DNER: variants seen among roughly 807,000 people sequenced by gnomAD.
DNER encodes delta/notch like EGF repeat containing, also known as delta and Notch-like epidermal growth factor-related receptor.
A neutral mutation model predicts 78.2 loss-of-function variants in DNER; 33 were observed. The observed-to-expected ratio is 0.42, with a 90% CI of 0.32 to 0.56. The LOEUF is 0.56. Among genes scored for constraint, DNER ranks in the 20% least tolerant of loss-of-function variants. DNER has a pLI of 0.11. For missense variants in DNER, 918 were observed against 975.3 expected, an observed-to-expected ratio of 0.94 and a Z score of 0.78; for synonymous variants, 417 against 384.8, an observed-to-expected ratio of 1.08 and a Z score of -0.98.
chr2:229,457,054 T>A (rs1694590956), intron 7 of DNER, among the ~76,000 whole-genome samples: 1 of 152,090 alleles, frequency 6.6e-6, no homozygotes, highest in Non-Finnish European at 1.5e-5. Context: ...CAAACAGAAT[T>A]CTAGTTTCAG....
rs368833985 is a variant in DNER, at chr2:229,358,702, T to A, written c.2103-51A>T. 1.0e-4 allele frequency: 154 copies of A among 1,472,522 alleles called. No individual in the cohort carries two copies. The African/African-American group carries it at 2.1e-3, about 20-fold the overall frequency. 91.2% of individuals were successfully genotyped at this position (1,472,522 alleles called of 1,614,324 possible). A position where few individuals can be genotyped will look rare whatever the true frequency, so the allele number is the denominator to read the frequency against. The stretch of plus-strand genomic sequence containing the variant: ...GTTAGATAAATACTAGATCTCAAGT[T>A]TAATTAAAGCAAGTGATGAGAATAA... On this transcript the variant is annotated intron_variant, in intron 12 of 12. Coordinates refer to ENST00000341772, the MANE Select transcript of DNER (RefSeq NM_139072.4).
intron 8 of DNER, among the ~76,000 whole-genome samples, chr2:229,439,982 A>G (rs886737280): frequency 6.6e-6 from 1 of 152,204 alleles, no homozygotes; most frequent in Admixed American, 6.5e-5. Context: ...ATTTTGAGGG[A>G]AAGTCAGGGA....
At chr2:229,589,742 A>G (rs1195206145) in intron 2 of DNER, among the ~76,000 whole-genome samples, 1 of 152,210 alleles carries the variant, frequency 6.6e-6, no homozygotes, top group African/African-American at 2.4e-5. Context: ...CTTGAATCAA[A>G]TCTAGTTCAC....
chr2:229,682,062 G>A (rs1048182762), intron 1 of DNER, among the ~76,000 whole-genome samples: 2 of 152,116 alleles, frequency 1.3e-5, no homozygotes, highest in African/African-American at 2.4e-5. Flanking sequence ...AGGGCATATG[G>A]GGAGATGGCA....
At chr2:229,544,171 C>T (rs967245311) in intron 5 of DNER, among the ~76,000 whole-genome samples, 2 of 152,188 alleles carry the variant, frequency 1.3e-5, no homozygotes, top group Admixed American at 1.3e-4. Flanking sequence ...ACTGAGTGTC[C>T]TTCACATTTT....
At chr2:229,677,742 T>A (rs570968174) in intron 1 of DNER, among the ~76,000 whole-genome samples, 1 of 152,194 alleles carries the variant, frequency 6.6e-6, no homozygotes, top group South Asian at 2.1e-4. Context: ...AAAATTTACT[T>A]TTTAGGGTTT....
At position 229,477,152 on chromosome 2, in the gene DNER, G is replaced by C; in HGVS notation, c.1249C>G (p.Gln417Glu). The stretch of plus-strand genomic sequence containing the variant: ...AAATACTAATTACCTTCTGGACACT[G>C]GCAGGTGAATCCACTGAGACTGGAA... Reference protein sequence around the residue: ...CISSLSGFTCQCPEGYFGSAC... With the variant: ...CISSLSGFTCECPEGYFGSAC... Residue 417 changes from glutamine (Q) to glutamate (E), a missense_variant, in exon 7 of 13, where the codon CAG becomes GAG. By Grantham distance (29) the Gln-to-Glu change is conservative (BLOSUM62 2). Transcript: ENST00000341772. The C allele has an allele frequency of 6.2e-7, 1 of 1,613,430 alleles. No homozygotes were observed. The highest frequency in any genetic ancestry group is 1.1e-5 in the South Asian group (1 of 90,992).
chr2:229,471,152 C>T (rs903623575), intron 7 of DNER, among the ~76,000 whole-genome samples: 2 of 150,882 alleles, frequency 1.3e-5, no homozygotes, highest in East Asian at 3.9e-4. Flanking sequence ...AAAAAAAAAA[C>T]AACTAAATCC....
intron 11 of DNER, 112 bp from the exon 12 acceptor site, chr2:229,367,231 G>A: frequency 7.0e-7 from 1 of 1,427,650 alleles, no homozygotes; most frequent in Non-Finnish European, 9.4e-7. Context: ...TTCAAACTTG[G>A]AAGGCTTATT....
chr2:229,382,415 G>A (rs1263583583), intron 11 of DNER, among the ~76,000 whole-genome samples: 17 of 152,154 alleles, frequency 1.1e-4, no homozygotes, highest in Non-Finnish European at 1.5e-5. Context: ...CAGAGAATGA[G>A]TTTGACGAAT....
intron 1 of DNER, among the ~76,000 whole-genome samples, chr2:229,692,251 A>G (rs1340238138): frequency 6.6e-6 from 1 of 152,062 alleles, no homozygotes; most frequent in Non-Finnish European, 1.5e-5. Context: ...TCTGGCTTCC[A>G]TTTTTTTCAA....
Position 229,591,857 on chromosome 2 carries a change from C to T in DNER, c.308G>A (p.Cys103Tyr), listed in dbSNP as rs368486299. 4 of 1,605,094 alleles carry T rather than the reference C, an allele frequency of 2.5e-6. No homozygotes were observed. Among genetic ancestry groups the T allele is most frequent in the Non-Finnish European group, 3.4e-6 (4 of 1,175,588 alleles). ...LVADPCASNP[C>Y]HHGNCSSSSS... is the part of the protein sequence containing the mutation. ...GCTGCTGCTGCAGTTGCCATGGTGACAAGGGTTGCTGGCACAAGGATCTGC... is the reference window on the plus strand; with the variant it reads ...GCTGCTGCTGCAGTTGCCATGGTGATAAGGGTTGCTGGCACAAGGATCTGC... Residue 103 changes from cysteine (C) to tyrosine (Y), a missense_variant, in exon 2 of 13, where the codon TGT becomes TAT. Cys to Tyr is a radical substitution (Grantham distance 194). Coordinates refer to ENST00000341772, the MANE Select transcript of DNER (RefSeq NM_139072.4). The surrounding 1 kb of genome is among the most constrained non-coding windows in gnomAD (Gnocchi z 4.6).
chr2:229,583,773 T>TG (rs1278886526), intron 4 of DNER, among the ~76,000 whole-genome samples: 1 of 152,232 alleles, frequency 6.6e-6, no homozygotes, highest in African/African-American at 2.4e-5. Flanking sequence ...TCAAATGTAT[T>TG]GGGGAGTGAA....
At chr2:229,388,624 T>C (rs1574820404) in intron 10 of DNER, among the ~76,000 whole-genome samples, 1 of 86,740 alleles carries the variant, frequency 1.2e-5, no homozygotes. Context: ...TATATATATA[T>C]ATATATATAT....
chr2:229,651,900 C>T (rs1698825827), intron 1 of DNER, among the ~76,000 whole-genome samples: 1 of 152,146 alleles, frequency 6.6e-6, no homozygotes, highest in Non-Finnish European at 1.5e-5. Context: ...GTAGCATAGC[C>T]TTAAAGCAAC....
intron 4 of DNER, among the ~76,000 whole-genome samples, chr2:229,562,826 A>T (rs1397906293): frequency 2.0e-5 from 3 of 152,056 alleles, no homozygotes; most frequent in Non-Finnish European, 4.4e-5. Flanking sequence ...TTTTTAGGAA[A>T]GTGCAAGCAT....
chr2:229,618,093 A>G (rs971908896), intron 1 of DNER, among the ~76,000 whole-genome samples: 6 of 152,230 alleles, frequency 3.9e-5, no homozygotes, highest in African/African-American at 1.2e-4. Context: ...GCTGTGCCCA[A>G]TGGCCTTCAG....
intron 1 of DNER, among the ~76,000 whole-genome samples, chr2:229,615,716 A>G (rs1328111654): frequency 6.8e-6 from 1 of 147,440 alleles, no homozygotes; most frequent in Non-Finnish European, 1.5e-5. Flanking sequence ...TGTCTCAAAC[A>G]AAAAAAAAGA....
intron 5 of DNER, among the ~76,000 whole-genome samples, chr2:229,525,952 G>T (rs1449396351): frequency 6.6e-6 from 1 of 151,902 alleles, no homozygotes; most frequent in Admixed American, 6.5e-5. Flanking sequence ...AGGTGGGAAG[G>T]TCCTATCATT....
Sources: allele counts gnomAD v4.1 joint callset (sites outside exome capture counted in the v4.1 genomes callset), GRCh38; gene constraint gnomAD v4.1.1; non-coding constraint Gnocchi (gnomAD v3.1); transcripts MANE v1.5; gene names NCBI Gene and HGNC (gene_info 2026-07-23, HGNC 2026-07-21).